The following PCDH15 variants were observed in gnomAD, a reference collection of about 807,000 sequenced individuals.
PCDH15 encodes the protein protocadherin related 15, also known as protocadherin-15.
In PCDH15, 129 loss-of-function variants were observed where a neutral mutation model predicts 178.5. The observed-to-expected ratio is 0.72, with a 90% CI of 0.63 to 0.84. The LOEUF (loss-of-function observed/expected upper bound fraction) is 0.84. PCDH15 is among the 40% of genes least tolerant of loss of function. The probability of loss-of-function intolerance (pLI) is 0.00; values close to 1 mark genes in which losing one functional copy is unlikely to be tolerated. For synonymous variants in PCDH15, 800 were observed against 732.0 expected (o/e 1.09, Z -1.50); for missense variants, 2,230 against 2,099.9 (o/e 1.06, Z -1.21).
At chr10:54,426,413 G>A (rs1956272452) in intron 3 of PCDH15, among the ~76,000 whole-genome samples, 1 of 152,116 alleles carries the variant, frequency 6.6e-6, no homozygotes, top group East Asian at 1.9e-4. Flanking sequence ...CAGTAGAGCT[G>A]GTGCTTCTAT....
intron 2 of PCDH15, among the ~76,000 whole-genome samples, chr10:54,987,750 C>T (rs1426215813): frequency 6.1e-5 from 9 of 147,534 alleles, no homozygotes; most frequent in South Asian, 2.1e-4. Context: ...CTTATAGATT[C>T]TGGATATAAG....
chr10:54,287,742 T>G (rs1226458233), intron 8 of PCDH15, among the ~76,000 whole-genome samples: 1 of 152,186 alleles, frequency 6.6e-6, no homozygotes. Context: ...AATTTCTCTG[T>G]CATTAGTTTC....
At chr10:54,517,478 T>C (rs1405879422) in intron 3 of PCDH15, among the ~76,000 whole-genome samples, 2 of 152,060 alleles carry the variant, frequency 1.3e-5, no homozygotes, top group Admixed American at 1.3e-4. Context: ...CATTACATAA[T>C]GGTAAAGGGA....
chr10:54,610,970 T>G (rs948746168), intron 2 of PCDH15, among the ~76,000 whole-genome samples: 1 of 152,002 alleles, frequency 6.6e-6, no homozygotes, highest in African/African-American at 2.4e-5. Context: ...ATTTGCTTCT[T>G]ATACTAGTAA....
chr10:55,267,037 T>A (rs2132242283), intron 1 of PCDH15, among the ~76,000 whole-genome samples: 1 of 152,264 alleles, frequency 6.6e-6, no homozygotes, highest in African/African-American at 2.4e-5. Context: ...AGATGCAAGC[T>A]GCACTACCAT....
intron 2 of PCDH15, among the ~76,000 whole-genome samples, chr10:55,527,224 A>G (rs1841320992): frequency 1.3e-5 from 2 of 152,050 alleles, no homozygotes; most frequent in South Asian, 4.1e-4. Context: ...TGAGTGGCTT[A>G]CAAAAAGAGA....
Position 54,057,436 on chromosome 10 carries a change from A to C in PCDH15, c.2220+9321T>G, listed in dbSNP as rs1423163339. On this transcript the variant is annotated intron_variant, in intron 18 of 37. Transcript: ENST00000644397. Reference sequence around the variant, plus strand: ...ACCTGCACGATCAACACCATGTGGAAGCCGCCAAGACTTGGGGCTTGTAAC... The same window carrying C: ...ACCTGCACGATCAACACCATGTGGACGCCGCCAAGACTTGGGGCTTGTAAC... 2.0e-5 allele frequency among the ~76,000 whole-genome samples: 3 copies of C among 152,320 alleles called. No individual in the cohort carries two copies. In the South Asian group the frequency reaches 6.2e-4, roughly 32 times the overall value.
intron 2 of PCDH15, among the ~76,000 whole-genome samples, chr10:55,529,740 A>AATATATATAT (rs1841400952): frequency 1.5e-4 from 3 of 19,920 alleles, no homozygotes; most frequent in Admixed American, 5.6e-4. Context: ...TTTGTCTGTG[A>AATATATATAT]GTATATATAT....
At chr10:53,933,175 A>G (rs543259583) in intron 25 of PCDH15, among the ~76,000 whole-genome samples, 2 of 151,342 alleles carry the variant, frequency 1.3e-5, no homozygotes, top group South Asian at 4.2e-4. Context: ...TTTTTTTTTA[A>G]ATTTTATTAT....
chr10:55,217,011 T>G (rs1840722800), intron 1 of PCDH15, among the ~76,000 whole-genome samples: 2 of 151,952 alleles, frequency 1.3e-5, no homozygotes, highest in African/African-American at 2.4e-5. Context: ...TTTGGTATTT[T>G]GGCATATGAC....
rs545462144 is a variant in PCDH15 at position 54,893,753 on chromosome 10, A to G, written c.-29+3697T>C. 1.9e-3 allele frequency among the ~76,000 whole-genome samples: 294 copies of G among 152,272 alleles called. 1 individual carries two copies. The highest frequency in any genetic ancestry group is 3.6e-3 in the Non-Finnish European group (247 of 67,996). On this transcript the variant is annotated intron_variant, in intron 3 of 5. Transcript: ENST00000458638. ...ACATAAAATATAATAATTCATACTT[A>G]TGACAGATAAAACTGTTATAGAATT...
intron 3 of PCDH15, among the ~76,000 whole-genome samples, chr10:54,840,776 A>G (rs1953404420): frequency 6.6e-6 from 1 of 151,942 alleles, no homozygotes; most frequent in Non-Finnish European, 1.5e-5. Context: ...AGAGCAGAGT[A>G]GGAATACTTC....
At chr10:54,299,276 AG>A (rs1322713654) in intron 8 of PCDH15, among the ~76,000 whole-genome samples, 8 of 152,048 alleles carry the variant, frequency 5.3e-5, no homozygotes, top group Non-Finnish European at 4.4e-5. Flanking sequence ...AGAGAGACAG[AG>A]AGTCAAAGAA....
chr10:55,330,704 G>T (rs953677011), intron 2 of PCDH15, among the ~76,000 whole-genome samples: 20 of 151,758 alleles, frequency 1.3e-4, no homozygotes, highest in Admixed American at 6.6e-5. Context: ...TTACATTATT[G>T]CAGTGTTCAT....
intron 2 of PCDH15, among the ~76,000 whole-genome samples, chr10:54,659,171 C>G (rs2094453109): frequency 6.6e-6 from 1 of 152,108 alleles, no homozygotes; most frequent in Non-Finnish European, 1.5e-5. Flanking sequence ...AAGTATTTAA[C>G]AACTATTAGT....
At chr10:54,295,633 C>T (rs960688309) in intron 8 of PCDH15, among the ~76,000 whole-genome samples, 1 of 152,212 alleles carries the variant, frequency 6.6e-6, no homozygotes, top group Admixed American at 6.5e-5. Context: ...GACATACCAT[C>T]TTTAAGACCT....
rs568052739 is a variant in PCDH15 at position 55,460,777 on chromosome 10, C to T, written c.-156+166848G>A. Among the ~76,000 whole-genome samples, 20 of 152,074 alleles carry T rather than the reference C, an allele frequency of 1.3e-4. No homozygotes were observed. In the South Asian group the frequency reaches 3.9e-3, roughly 30 times the overall value. On this transcript the variant is annotated intron_variant, in intron 2 of 5. Coordinates refer to the PCDH15 transcript ENST00000613346. ...TTGCATGCCTATCTTGAATTGTATG[C>T]CAGACATTGTATATTTTATCTCATT...
At chr10:53,950,984 A>T (rs2086976645) in intron 23 of PCDH15, among the ~76,000 whole-genome samples, 1 of 152,274 alleles carries the variant, frequency 6.6e-6, no homozygotes, top group South Asian at 2.1e-4. Flanking sequence ...TGTGGACTGA[A>T]ATCTGTTTAT....
intron 15 of PCDH15, among the ~76,000 whole-genome samples, chr10:54,096,825 T>C (rs80268323): frequency 0.019 from 2,932 of 152,296 alleles, 42 homozygotes; most frequent in East Asian, 0.038. Context: ...AAACATTCAG[T>C]CCATAGCAGA....
Sources: allele counts gnomAD v4.1 joint callset (sites outside exome capture counted in the v4.1 genomes callset), GRCh38; gene constraint gnomAD v4.1.1; transcripts MANE v1.5; gene names NCBI Gene and HGNC (gene_info 2026-07-23, HGNC 2026-07-21).